The following PAX5 variants were observed in gnomAD, a reference collection of about 807,000 sequenced individuals.
PAX5 encodes the protein paired box 5.
A neutral mutation model predicts 43.7 loss-of-function variants in PAX5; 9 were observed. The observed-to-expected ratio is 0.21, with a 90% confidence interval of 0.12 to 0.36. PAX5 has a LOEUF of 0.36. PAX5 is among the 10% of genes least tolerant of loss of function. The probability of loss-of-function intolerance (pLI) is 1.00; values close to 1 mark genes in which losing one functional copy is unlikely to be tolerated. For synonymous variants in PAX5, 228 were observed against 214.3 expected (o/e 1.06, Z -0.56); for missense variants, 383 against 532.7 (o/e 0.72, Z 2.77).
chr9:37,026,630 G>A, intron 1 of PAX5: 1 of 1,351,318 alleles, frequency 7.4e-7, no homozygotes, highest in Middle Eastern at 2.0e-4. Context: ...GCGCCAAGGG[G>A]CTGCCCAGGG....
intron 3 of PAX5, among the ~76,000 whole-genome samples, chr9:37,011,820 C>T (rs929505281): frequency 6.6e-6 from 1 of 152,168 alleles, no homozygotes; most frequent in African/African-American, 2.4e-5. Context: ...ATCACTCCCT[C>T]CCCAGCTGTT....
intron 8 of PAX5, among the ~76,000 whole-genome samples, chr9:36,850,585 C>T (rs542173317): frequency 6.6e-6 from 1 of 152,230 alleles, no homozygotes; most frequent in African/African-American, 2.4e-5. Flanking sequence ...CTCCTTCTAA[C>T]TGACCCACAC....
At chr9:36,942,476 AG>A (rs1817145063) in intron 6 of PAX5, among the ~76,000 whole-genome samples, 2 of 148,700 alleles carry the variant, frequency 1.3e-5, no homozygotes, top group Non-Finnish European at 1.5e-5. Flanking sequence ...ATGTGAAAGC[AG>A]TCAGGTAATT....
At chr9:36,852,175 G>T (rs1759363027) in intron 8 of PAX5, among the ~76,000 whole-genome samples, 1 of 152,190 alleles carries the variant, frequency 6.6e-6, no homozygotes, top group Admixed American at 6.5e-5. Flanking sequence ...CTCATTGAGA[G>T]AGAACAAACT....
intron 3 of PAX5, among the ~76,000 whole-genome samples, chr9:37,008,307 G>T (rs1281258824): frequency 1.3e-5 from 2 of 152,174 alleles, no homozygotes; most frequent in East Asian, 3.8e-4. Context: ...GCCCTCCTCG[G>T]CCTCCCAAAG....
At chr9:36,873,377 GA>G (rs1323998807) in intron 8 of PAX5, among the ~76,000 whole-genome samples, 1 of 152,248 alleles carries the variant, frequency 6.6e-6, no homozygotes, top group Non-Finnish European at 1.5e-5. Flanking sequence ...ATGAACAAGT[GA>G]ATGGCCACCT....
intron 2 of PAX5, among the ~76,000 whole-genome samples, chr9:37,019,587 CA>C (rs2132496900): frequency 6.6e-6 from 1 of 152,314 alleles, no homozygotes; most frequent in African/African-American, 2.4e-5. Context: ...GGGAAGGAGC[CA>C]GGAGAAAGTC....
At position 37,029,700 on chromosome 9, in the gene PAX5, CG is replaced by C. The variant is rs544711723; in HGVS notation, c.46+4285del. Among the ~76,000 whole-genome samples the C allele has an allele frequency of 2.8e-3, 429 of 152,160 alleles. 4 individuals carry two copies. Among genetic ancestry groups the C allele is most frequent in the South Asian group, 0.026 (126 of 4,816 alleles). ...CACACCTACTGGAGAGGCGGGAGTG[CG>C]GGACGCCCTGAGGGATGCAGCCAGT... On this transcript the variant is annotated intron_variant, in intron 1 of 9. Coordinates refer to ENST00000358127, the MANE Select transcript of PAX5 (RefSeq NM_016734.3).
chr9:37,008,125 C>G (rs1008413498), intron 3 of PAX5: 1 of 152,164 alleles, frequency 6.6e-6, no homozygotes, highest in African/African-American at 2.4e-5. Context: ...AGTGGCATAA[C>G]CTCAGCTCAC....
chr9:36,916,059 A>G (rs962848680), intron 7 of PAX5, among the ~76,000 whole-genome samples: 3 of 622 alleles, frequency 4.8e-3, no homozygotes, highest in African/African-American at 5.2e-3. Flanking sequence ...GTGAGATTGA[A>G]AAAAAAAAAA....
chr9:36,892,345 A>G (rs1457019094), intron 7 of PAX5, among the ~76,000 whole-genome samples: 1 of 152,236 alleles, frequency 6.6e-6, no homozygotes, highest in African/African-American at 2.4e-5. Context: ...AAGGATGCAA[A>G]GATGATAACA....
intron 8 of PAX5, among the ~76,000 whole-genome samples, chr9:36,869,655 C>CAGATT: frequency 6.6e-6 from 1 of 152,376 alleles, no homozygotes; most frequent in South Asian, 2.1e-4. Flanking sequence ...GTTACCACAA[C>CAGATT]TGGCCCCCAT....
rs918605459 is a variant in PAX5, at chr9:36,834,463, C to T, written c.*6097G>A. The stretch of plus-strand genomic sequence containing the variant: ...GTGTGTGTGTGTGTGTTTACATGCT[C>T]GTGCACCTTATGGAGGGGAAGGCCA... On this transcript the variant is annotated 3_prime_UTR_variant, in exon 10 of 10. Transcript: ENST00000358127. 10 of 232,096 alleles carry T rather than the reference C, an allele frequency of 4.3e-5. No individual in the cohort carries two copies. The East Asian group carries it at 4.8e-4, about 11-fold the overall frequency. The allele number at this position is 232,096 out of a possible 1,614,324, so 14.4% of individuals were successfully genotyped here.
At chr9:36,847,379 C>G (rs545658931) in intron 8 of PAX5, among the ~76,000 whole-genome samples, 5 of 152,210 alleles carry the variant, frequency 3.3e-5, no homozygotes, top group Non-Finnish European at 5.9e-5. Context: ...TTCTACCCCC[C>G]ACCTGCTGAT....
At chr9:37,016,306 A>G (rs1839377826) in intron 2 of PAX5, among the ~76,000 whole-genome samples, 1 of 152,254 alleles carries the variant, frequency 6.6e-6, no homozygotes, top group African/African-American at 2.4e-5. Context: ...AAAAATAATA[A>G]TCCTGGTGTA....
chr9:36,976,288 G>A (rs1835419325), intron 5 of PAX5, among the ~76,000 whole-genome samples: 1 of 152,190 alleles, frequency 6.6e-6, no homozygotes, highest in South Asian at 2.1e-4. Context: ...ACAGACTCAA[G>A]CTCAAACTCA....
At chr9:36,994,902 T>C (rs892469110) in intron 5 of PAX5, among the ~76,000 whole-genome samples, 1 of 151,974 alleles carries the variant, frequency 6.6e-6, no homozygotes, top group African/African-American at 2.4e-5. Flanking sequence ...GGCTGCCAAT[T>C]CCCCCCTGGG....
At chr9:36,936,021 G>A (rs1831524766) in intron 6 of PAX5, among the ~76,000 whole-genome samples, 1 of 152,222 alleles carries the variant, frequency 6.6e-6, no homozygotes, top group Non-Finnish European at 1.5e-5. Flanking sequence ...GATTCATACT[G>A]TTCTCACGGT....
At chr9:37,024,355 T>TG (rs372002495) in intron 1 of PAX5, among the ~76,000 whole-genome samples, 11 of 149,828 alleles carry the variant, frequency 7.3e-5, no homozygotes, top group African/African-American at 2.7e-4. Flanking sequence ...TCTGAAGCAG[T>TG]GGTGGGGGGA....
Sources: gnomAD v4.1 joint callset for allele counts (sites outside exome capture counted in the v4.1 genomes callset) on GRCh38, gnomAD v4.1.1 for gene constraint, MANE v1.5 for transcripts, NCBI Gene and HGNC (gene_info 2026-07-23, HGNC 2026-07-21) for gene names.